Variants in ADGRL3 observed in about 807,000 individuals in gnomAD.
ADGRL3 encodes the protein calcium-independent alpha-latrotoxin receptor 3.
Under a neutral mutation model 153.5 loss-of-function variants are expected in ADGRL3, and 62 were observed. The observed-to-expected ratio is 0.40, with a 90% confidence interval of 0.33 to 0.50. ADGRL3 has a LOEUF of 0.50. ADGRL3 is among the 20% of genes least tolerant of loss of function. The probability of loss-of-function intolerance (pLI) is 0.47; values close to 1 mark genes in which losing one functional copy is unlikely to be tolerated. For missense variants in ADGRL3, 1,641 were observed against 1,859.4 expected (o/e 0.88, Z 2.16); for synonymous variants, 710 against 672.5 (o/e 1.06, Z -0.86).
intron 5 of ADGRL3, among the ~76,000 whole-genome samples, chr4:61,650,410 T>A (rs2094203387): frequency 6.6e-6 from 1 of 152,178 alleles, no homozygotes; most frequent in South Asian, 2.1e-4. Context: ...CAAAGATTTT[T>A]ATCAGTTTCA....
intron 5 of ADGRL3, among the ~76,000 whole-genome samples, chr4:61,642,804 GT>G (rs1375067684): frequency 1.3e-5 from 2 of 152,102 alleles, no homozygotes; most frequent in Non-Finnish European, 2.9e-5. Context: ...CTTTAAAGTA[GT>G]TTTTTCCAAT....
chr4:61,230,728 T>A (rs1182047702), intron 1 of ADGRL3, among the ~76,000 whole-genome samples: 2 of 152,160 alleles, frequency 1.3e-5, no homozygotes, highest in Admixed American at 6.6e-5. Flanking sequence ...GTTTATCCCA[T>A]CCACCTATCA....
intron 2 of ADGRL3, among the ~76,000 whole-genome samples, chr4:61,455,569 G>A (rs2097724968): frequency 6.6e-6 from 1 of 151,856 alleles, no homozygotes; most frequent in Non-Finnish European, 1.5e-5. Context: ...GGAAGAAGTA[G>A]GCAATTAAAT....
At chr4:61,347,357 C>G (rs2095940558) in intron 1 of ADGRL3, among the ~76,000 whole-genome samples, 1 of 151,402 alleles carries the variant, frequency 6.6e-6, no homozygotes, top group Non-Finnish European at 1.5e-5. Context: ...GGTACATTAG[C>G]TCTTTTAGGC....
At chr4:61,751,222 C>T (rs2096752970) in intron 8 of ADGRL3, among the ~76,000 whole-genome samples, 1 of 152,130 alleles carries the variant, frequency 6.6e-6, no homozygotes, top group Admixed American at 6.5e-5. Context: ...TTTATCAAAT[C>T]AGAGCCTGAA....
chr4:61,301,916 T>C (rs2094590580), intron 1 of ADGRL3, among the ~76,000 whole-genome samples: 1 of 152,150 alleles, frequency 6.6e-6, no homozygotes, highest in East Asian at 1.9e-4. Context: ...AAGCCCAGAA[T>C]TTAATCTTCG....
chr4:61,873,233 C>T (rs984131258), intron 9 of ADGRL3, among the ~76,000 whole-genome samples: 2 of 152,088 alleles, frequency 1.3e-5, no homozygotes, highest in African/African-American at 2.4e-5. Context: ...CATTGAACAT[C>T]GTTGAAAGGC....
At chr4:61,632,119 C>A (rs965058266) in intron 5 of ADGRL3, among the ~76,000 whole-genome samples, 2 of 152,108 alleles carry the variant, frequency 1.3e-5, no homozygotes, top group Non-Finnish European at 2.9e-5. Context: ...TAATTTTGAT[C>A]ATTGCTTTCT....
chr4:61,934,597 C>G (rs1368541669), intron 13 of ADGRL3, among the ~76,000 whole-genome samples: 2 of 152,146 alleles, frequency 1.3e-5, no homozygotes, highest in Non-Finnish European at 2.9e-5. Flanking sequence ...GCAAGCATGC[C>G]TTTATTTGTT....
chr4:61,459,652 T>C (rs1431615460), intron 2 of ADGRL3, among the ~76,000 whole-genome samples: 4 of 152,258 alleles, frequency 2.6e-5, no homozygotes, highest in South Asian at 2.1e-4. Flanking sequence ...ATAATGACTG[T>C]AATAATTTAC....
At chr4:61,432,655 T>TTTC (rs1553928415) in intron 2 of ADGRL3, among the ~76,000 whole-genome samples, 12 of 58,740 alleles carry the variant, frequency 2.0e-4, no homozygotes, top group African/African-American at 4.0e-4. Flanking sequence ...TCTTTCTTTC[T>TTTC]TTTTTTTTTT....
chr4:61,755,306 C>T (rs1250837744), intron 8 of ADGRL3, among the ~76,000 whole-genome samples: 1 of 151,918 alleles, frequency 6.6e-6, no homozygotes, highest in African/African-American at 2.4e-5. Context: ...TTAATGATCA[C>T]CATTCTAACT....
intron 9 of ADGRL3, among the ~76,000 whole-genome samples, chr4:61,877,060 G>T (rs1302950250): frequency 6.6e-6 from 1 of 152,246 alleles, no homozygotes; most frequent in South Asian, 2.1e-4. Context: ...GCAGAACATG[G>T]ATTGGAGGGC....
chr4:61,653,170 TCACA>T (rs34273823), intron 5 of ADGRL3, among the ~76,000 whole-genome samples: 3,623 of 90,860 alleles, frequency 0.04, 125 homozygotes, highest in African/African-American at 0.1. Context: ...TCTCTCTCTC[TCACA>T]CACACACACA....
At chr4:61,950,700 A>G (rs1469301904) in intron 17 of ADGRL3, among the ~76,000 whole-genome samples, 2 of 152,230 alleles carry the variant, frequency 1.3e-5, no homozygotes, top group African/African-American at 4.8e-5. Flanking sequence ...AGTGTTACAT[A>G]TTGTCTTCCC....
chr4:61,280,617 A>C (rs1016170122), intron 1 of ADGRL3, among the ~76,000 whole-genome samples: 1 of 152,116 alleles, frequency 6.6e-6, no homozygotes, highest in Non-Finnish European at 1.5e-5. Context: ...ATTTTTCCTG[A>C]GAAAATTATT....
intron 19 of ADGRL3, among the ~76,000 whole-genome samples, chr4:61,995,311 T>G (rs2151026805): frequency 6.6e-6 from 1 of 152,274 alleles, no homozygotes; most frequent in African/African-American, 2.4e-5. Context: ...ATTTATTCAT[T>G]ACTTTTTTGA....
At chr4:61,893,004 G>C (rs2098599435) in intron 10 of ADGRL3, 46 bp downstream of exon 10, 1 of 1,283,106 alleles carries the variant, frequency 7.8e-7, no homozygotes, top group Non-Finnish European at 1.0e-6. Context: ...GTGTTGCTTT[G>C]GCTTTATTTT....
rs35637502 is a variant in ADGRL3, at chr4:61,946,996, G to A, written c.2502G>A (p.Thr834=). ...AGAATGCCAGTATGAAGTTGGGAAC[G>A]GAAGCTTTGTCCACAAATCATTCTG... ...STENASMKLG[T]EALSTNHSVI... is the part of the protein sequence containing the mutation. The change falls in exon 16 of 27, where the codon ACG becomes ACA. Residue 834 remains threonine (T), a synonymous_variant. Coordinates refer to ENST00000683033, the MANE Select transcript of ADGRL3 (RefSeq NM_001387552.1). 1,422 of 1,613,700 alleles carry A rather than the reference G, an allele frequency of 8.8e-4. 3 individuals carry two copies. In the African/African-American group the frequency reaches 9.9e-3, roughly 11 times the overall value.
Sources: allele counts gnomAD v4.1 joint callset (sites outside exome capture counted in the v4.1 genomes callset), GRCh38; gene constraint gnomAD v4.1.1; transcripts MANE v1.5; gene names NCBI Gene and HGNC (gene_info 2026-07-23, HGNC 2026-07-21).